ZRANB3: variants seen among roughly 807,000 people sequenced by gnomAD.
ZRANB3 encodes DNA annealing helicase and endonuclease ZRANB3.
In ZRANB3, 125 loss-of-function variants were observed where a neutral mutation model predicts 133.8. That is an observed-to-expected ratio of 0.93 (90% confidence interval 0.81 to 1.08). The LOEUF is 1.08. ZRANB3 is among the 50% of genes least tolerant of loss of function. The probability of loss-of-function intolerance (pLI) is 0.00; values close to 1 mark genes in which losing one functional copy is unlikely to be tolerated. For synonymous variants in ZRANB3, 387 were observed against 432.7 expected (o/e 0.89, Z 1.31); for missense variants, 1,229 against 1,275.5 (o/e 0.96, Z 0.56).
At chr2:135,366,540 A>G (rs1685947083) in intron 3 of ZRANB3, among the ~76,000 whole-genome samples, 1 of 152,196 alleles carries the variant, frequency 6.6e-6, no homozygotes, top group Non-Finnish European at 1.5e-5. Context: ...TATTATGTGC[A>G]GAAATGAAAA....
chr2:135,422,307 C>T (rs1688894248), intron 2 of ZRANB3, among the ~76,000 whole-genome samples: 1 of 152,150 alleles, frequency 6.6e-6, no homozygotes. Context: ...ACTACTCCAT[C>T]ACAGTTACTC....
At chr2:135,466,325 G>C (rs1441413620) in intron 2 of ZRANB3, among the ~76,000 whole-genome samples, 1 of 138,038 alleles carries the variant, frequency 7.2e-6, no homozygotes, top group Admixed American at 7.7e-5. Context: ...GGAGGTTGCA[G>C]TGAGCTGAGA....
Position 135,256,842 on chromosome 2 carries a change from A to G in ZRANB3, c.1539+8692T>C, listed in dbSNP as rs146181192. On this transcript the variant is annotated intron_variant, in intron 12 of 20. Transcript: ENST00000264159. ...CAGGTCCCAAAGACCCTACTGATAT[A>G]ACAGCATGCAATAAAGAAGCCAGCC... Among the ~76,000 whole-genome samples the G allele has an allele frequency of 2.6e-5, 4 of 152,320 alleles. No homozygotes were observed. The East Asian group carries it at 7.7e-4, about 29-fold the overall frequency.
At chr2:135,319,532 A>G (rs1266289983) in intron 6 of ZRANB3, among the ~76,000 whole-genome samples, 2 of 149,898 alleles carry the variant, frequency 1.3e-5, no homozygotes, top group Non-Finnish European at 3.0e-5. Context: ...ATTATAATCA[A>G]ATTTGAAAAA....
intron 2 of ZRANB3, among the ~76,000 whole-genome samples, chr2:135,477,339 G>A (rs1214942222): frequency 1.3e-5 from 2 of 152,204 alleles, no homozygotes; most frequent in Non-Finnish European, 2.9e-5. Context: ...TAGTTATGCT[G>A]ATTATTCTCC....
intron 8 of ZRANB3, among the ~76,000 whole-genome samples, chr2:135,292,340 T>C (rs1681789555): frequency 1.3e-5 from 2 of 152,330 alleles, no homozygotes; most frequent in Admixed American, 6.5e-5. Flanking sequence ...ATTTCTCTGA[T>C]GGCCAGTGAT....
chr2:135,382,892 A>C (rs1246701805), intron 3 of ZRANB3, among the ~76,000 whole-genome samples: 1 of 152,238 alleles, frequency 6.6e-6, no homozygotes, highest in African/African-American at 2.4e-5. Flanking sequence ...AAACATGCCA[A>C]ATTCTAAAGA....
At chr2:135,361,698 T>C (rs1685701266) in intron 3 of ZRANB3, among the ~76,000 whole-genome samples, 1 of 152,282 alleles carries the variant, frequency 6.6e-6, no homozygotes, top group South Asian at 2.1e-4. Context: ...GGAGGACCCT[T>C]TTAGGTATGC....
At chr2:135,236,544 C>T (rs2105076572) in intron 12 of ZRANB3, among the ~76,000 whole-genome samples, 1 of 152,284 alleles carries the variant, frequency 6.6e-6, no homozygotes, top group South Asian at 2.1e-4. Flanking sequence ...AGCTATACTA[C>T]AAAGCTACAG....
intron 15 of ZRANB3, among the ~76,000 whole-genome samples, chr2:135,223,570 C>T (rs933594353): frequency 6.6e-5 from 10 of 152,026 alleles, no homozygotes; most frequent in African/African-American, 2.2e-4. Context: ...TCAGGTGATC[C>T]ACCCACCTTG....
At chr2:135,246,272 A>C (rs188841576) in intron 12 of ZRANB3, among the ~76,000 whole-genome samples, 4 of 152,094 alleles carry the variant, frequency 2.6e-5, no homozygotes, top group Admixed American at 2.6e-4. Context: ...TATTGGGAAC[A>C]TGTCTGGTTT....
intron 12 of ZRANB3, among the ~76,000 whole-genome samples, chr2:135,244,576 C>A (rs1235861172): frequency 1.3e-5 from 2 of 151,846 alleles, no homozygotes; most frequent in African/African-American, 4.8e-5. Flanking sequence ...CCATTGCACT[C>A]CAGCCTGGGT....
At chr2:135,479,697 C>A (rs1035194236) in intron 2 of ZRANB3, among the ~76,000 whole-genome samples, 3 of 151,852 alleles carry the variant, frequency 2.0e-5, no homozygotes, top group African/African-American at 7.3e-5. Flanking sequence ...TATTGATACA[C>A]GCATACATAA....
chr2:135,488,819 T>G (rs189486258), intron 2 of ZRANB3, among the ~76,000 whole-genome samples: 47 of 150,470 alleles, frequency 3.1e-4, no homozygotes, highest in Non-Finnish European at 6.3e-4. Flanking sequence ...TGCTATATAA[T>G]CAAATATAGC....
At chr2:135,363,317 A>G (rs1685773127) in intron 3 of ZRANB3, among the ~76,000 whole-genome samples, 1 of 152,180 alleles carries the variant, frequency 6.6e-6, no homozygotes, top group Non-Finnish European at 1.5e-5. Context: ...ACAGGCAAGC[A>G]TCACCTCACC....
chr2:135,519,245 G>A (rs1427409488), intron 1 of ZRANB3, among the ~76,000 whole-genome samples: 1 of 152,106 alleles, frequency 6.6e-6, no homozygotes, highest in East Asian at 1.9e-4. Flanking sequence ...TGTTACCACT[G>A]GAGGAAACTA....
chr2:135,456,075 C>CT (rs1405710884), intron 2 of ZRANB3, among the ~76,000 whole-genome samples: 2 of 151,828 alleles, frequency 1.3e-5, no homozygotes, highest in African/African-American at 4.8e-5. Flanking sequence ...GGAGATTTTT[C>CT]TTTTTTTGTC....
intron 8 of ZRANB3, among the ~76,000 whole-genome samples, chr2:135,296,301 T>C (rs1345522694): frequency 6.6e-6 from 1 of 152,200 alleles, no homozygotes; most frequent in East Asian, 1.9e-4. Flanking sequence ...TTCTCTAAAC[T>C]TTTCTTCTTG....
chr2:135,339,766 G>T (rs1028641417), intron 6 of ZRANB3, among the ~76,000 whole-genome samples: 2 of 152,184 alleles, frequency 1.3e-5, no homozygotes, highest in Non-Finnish European at 2.9e-5. Flanking sequence ...GATTTATGCA[G>T]TTAAAACCTA....
Sources: gnomAD v4.1 joint callset for allele counts (sites outside exome capture counted in the v4.1 genomes callset) on GRCh38, gnomAD v4.1.1 for gene constraint, MANE v1.5 for transcripts, NCBI Gene and HGNC (gene_info 2026-07-23, HGNC 2026-07-21) for gene names.